PRR14L: variants seen among roughly 807,000 people sequenced by gnomAD.
PRR14L encodes the protein proline rich 14 like, also known as protein PRR14L.
PRR14L carries 80 observed loss-of-function variants against 155.0 expected under a neutral mutation model. That is an observed-to-expected ratio of 0.52 (90% CI 0.43 to 0.62). The LOEUF (loss-of-function observed/expected upper bound fraction) is 0.62. PRR14L is among the 20% of genes least tolerant of loss of function. The pLI is 0.00. For synonymous variants in PRR14L, 883 were observed against 916.0 expected (o/e 0.96, Z 0.65); for missense variants, 2,469 against 2,548.0 (o/e 0.97, Z 0.67).
At chr22:31,703,397 A>G (rs1184414311) in intron 6 of PRR14L, among the ~76,000 whole-genome samples, 153 bp downstream of exon 6, 1 of 151,912 alleles carries the variant, frequency 6.6e-6, no homozygotes, top group East Asian at 1.9e-4. Context: ...CAAGAGAAAA[A>G]CTCCTGGCTT....
intron 7 of PRR14L, among the ~76,000 whole-genome samples, chr22:31,689,275 G>C (rs2074498927): frequency 6.6e-6 from 1 of 152,132 alleles, no homozygotes; most frequent in Non-Finnish European, 1.5e-5. Context: ...TTGAGCCCAA[G>C]AGTTCGAGAC....
At chr22:31,694,706 C>T (rs1480859202) in intron 7 of PRR14L, among the ~76,000 whole-genome samples, 3 of 150,952 alleles carry the variant, frequency 2.0e-5, no homozygotes, top group Non-Finnish European at 4.4e-5. Context: ...GAGCTGAGAT[C>T]GGGCCACTGC....
At chr22:31,689,065 G>T (rs1288940216) in intron 7 of PRR14L, among the ~76,000 whole-genome samples, 1 of 152,068 alleles carries the variant, frequency 6.6e-6, no homozygotes, top group Non-Finnish European at 1.5e-5. Flanking sequence ...TTCCAAAGAT[G>T]GCCAATGGTT....
chr22:31,716,721 G>T lies in PRR14L; in HGVS notation c.1118C>A (p.Ser373Tyr), dbSNP rs1251376992. Residue 373 changes from serine to tyrosine, a missense_variant, in exon 4 of 9, where the codon TCT becomes TAT. Ser to Tyr is a moderately radical substitution (Grantham distance 144). Around this residue, in one of 2 missense-constraint regions of PRR14L, gnomAD observed 2,363 missense variants for 2,371.6 expected, o/e 1.00. Coordinates refer to ENST00000327423, the MANE Select transcript of PRR14L (RefSeq NM_173566.3). ...GFEGGGLLKR[S>Y]AEKTDSSYFY... The stretch of plus-strand genomic sequence containing the variant: ...ATAAGAACTGTCTGTCTTTTCAGCA[G>T]ATCTCTTTAGCAAACCACCACCTTC... 2 of 1,551,612 alleles carry T rather than the reference G, an allele frequency of 1.3e-6. No homozygotes were observed. Among genetic ancestry groups the T allele is most frequent in the Non-Finnish European group, 1.7e-6 (2 of 1,146,978 alleles).
chr22:31,691,268 A>C (rs1267378158), intron 7 of PRR14L, among the ~76,000 whole-genome samples: 1 of 151,690 alleles, frequency 6.6e-6, no homozygotes, highest in African/African-American at 2.4e-5. Context: ...ATTTTTAAAA[A>C]CTATTTTTGG....
chr22:31,737,927 A>C (rs2074790991), intron 2 of PRR14L, among the ~76,000 whole-genome samples: 1 of 152,030 alleles, frequency 6.6e-6, no homozygotes, highest in Non-Finnish European at 1.5e-5. Context: ...AGGCAAGAGA[A>C]TCACTTGAAC....
chr22:31,729,353 AG>A (rs2074735474), intron 2 of PRR14L, among the ~76,000 whole-genome samples: 1 of 151,554 alleles, frequency 6.6e-6, no homozygotes, highest in Non-Finnish European at 1.5e-5. Context: ...CTGGGACTAC[AG>A]GCACCCGCCA....
At position 31,685,660 on chromosome 22, in the gene PRR14L, G is replaced by C. The variant is rs1201171408; in HGVS notation, c.6323C>G (p.Ala2108Gly). 3.2e-6 allele frequency: 5 copies of C among 1,551,702 alleles called. No homozygotes were observed. In the African/African-American group the frequency reaches 6.8e-5, roughly 21 times the overall value. ...CTTCTGGGCCCTGGTAAAGCTGCCT[G>C]CCACCTTGACTTTGCCTCGAGCTCT... is the stretch of plus-strand genomic sequence containing the variant. ...KRRARGKVKV[A>G]GSFTRAQKAA... The change falls in exon 9 of 9, where the codon GCA becomes GGA. Residue 2108 changes from alanine to glycine, a missense_variant. Around this residue, in one of 2 missense-constraint regions of PRR14L, gnomAD observed 106 missense variants for 176.4 expected, o/e 0.60. Coordinates refer to ENST00000327423, the MANE Select transcript of PRR14L (RefSeq NM_173566.3).
At chr22:31,726,230 A>G in intron 2 of PRR14L, among the ~76,000 whole-genome samples, 1 of 151,856 alleles carries the variant, frequency 6.6e-6, no homozygotes, top group African/African-American at 2.4e-5. Context: ...TCATGGGTTC[A>G]AGCAATTCTC....
Position 31,685,525 on chromosome 22 carries a change from T to C in PRR14L, c.*2A>G, listed in dbSNP as rs984626945. ...ATTGAGACCCTCAAACTGAATCGCT[T>C]CTCAACAGCCTGATGATTGTTCCTG... is the stretch of plus-strand genomic sequence containing the variant. On this transcript the variant is annotated 3_prime_UTR_variant, in exon 9 of 9. Coordinates refer to ENST00000327423, the MANE Select transcript of PRR14L (RefSeq NM_173566.3). 3 of 1,544,186 alleles carry C rather than the reference T, an allele frequency of 1.9e-6. No homozygotes were observed. The highest frequency in any genetic ancestry group is 4.0e-5 in the Admixed American group (2 of 50,228).
intron 8 of PRR14L, among the ~76,000 whole-genome samples, chr22:31,687,302 C>A (rs2074486935): frequency 6.6e-6 from 1 of 151,022 alleles, no homozygotes; most frequent in East Asian, 2.0e-4. Context: ...TCCCAAAGTG[C>A]TTGAATTACA....
intron 1 of PRR14L, among the ~76,000 whole-genome samples, chr22:31,745,202 C>G (rs4603881): frequency 0.12 from 17,547 of 151,920 alleles, 1,158 homozygotes; most frequent in African/African-American, 0.17. Flanking sequence ...ACAGTGAAAC[C>G]CTGTCTCTAC....
At chr22:31,746,795 C>CTTT (rs770907499) in intron 1 of PRR14L, among the ~76,000 whole-genome samples, 7 of 131,266 alleles carry the variant, frequency 5.3e-5, no homozygotes, top group South Asian at 2.3e-4. Flanking sequence ...TCCCAGCAGT[C>CTTT]TTTTTTTTTT....
intron 3 of PRR14L, among the ~76,000 whole-genome samples, chr22:31,721,777 C>T (rs540841536): frequency 6.6e-6 from 1 of 152,074 alleles, no homozygotes; most frequent in African/African-American, 2.4e-5. Context: ...TCAAATTATA[C>T]GATGTATTAT....
intron 1 of PRR14L, among the ~76,000 whole-genome samples, chr22:31,743,610 G>A (rs1283057435): frequency 6.6e-6 from 1 of 152,006 alleles, no homozygotes; most frequent in Non-Finnish European, 1.5e-5. Flanking sequence ...AGACCAGAAT[G>A]GCCAACATGG....
rs1178270202 is a variant in PRR14L, at chr22:31,713,692, G to A, written c.4147C>T (p.Leu1383Phe). 3 of 1,552,176 alleles carry A rather than the reference G, an allele frequency of 1.9e-6. No homozygotes were observed. The highest frequency in any genetic ancestry group is 4.9e-5 in the East Asian group (2 of 40,932). The change falls in exon 4 of 9, where the codon CTT becomes TTT. Residue 1383 changes from leucine (L) to phenylalanine (F), a missense_variant. Leu to Phe is a conservative substitution (Grantham distance 22, BLOSUM62 0). Around this residue, in one of 2 missense-constraint regions of PRR14L, gnomAD observed 2,363 missense variants for 2,371.6 expected, o/e 1.00. Transcript: ENST00000327423. ...CTCTGCTGTTTTTCAGCATGATTAAGTATCCCCCGGCATTTAAAATGGGTC... is the reference window on the plus strand; with the variant it reads ...CTCTGCTGTTTTTCAGCATGATTAAATATCCCCCGGCATTTAAAATGGGTC... The part of the protein sequence containing the change: ...SQTHFKCRGI[L>F]NHAEKQQSPE...
chr22:31,707,187 A>G (rs988315474), intron 4 of PRR14L, among the ~76,000 whole-genome samples: 1 of 152,238 alleles, frequency 6.6e-6, no homozygotes, highest in Non-Finnish European at 1.5e-5. Context: ...GAATTTAAAT[A>G]AAGTAAAATA....
intron 8 of PRR14L, 61 bp from the exon 9 acceptor site, chr22:31,685,864 A>T (rs1259466520): frequency 6.7e-7 from 1 of 1,483,600 alleles, no homozygotes; most frequent in Non-Finnish European, 9.1e-7. Context: ...TCCTGTCAAC[A>T]GGGTCAGGAT....
At chr22:31,732,369 G>A (rs991253793) in intron 2 of PRR14L, among the ~76,000 whole-genome samples, 4 of 152,180 alleles carry the variant, frequency 2.6e-5, no homozygotes, top group African/African-American at 7.2e-5. Context: ...TCCCTAAACA[G>A]GAGTGTCTCA....
Sources: gnomAD v4.1 joint callset for allele counts (sites outside exome capture counted in the v4.1 genomes callset) on GRCh38, gnomAD v4.1.1 for gene constraint, gnomAD v4.1.1 regional missense constraint, MANE v1.5 for transcripts, NCBI Gene and HGNC (gene_info 2026-07-23, HGNC 2026-07-21) for gene names.